The following TMEM30A variants were observed in gnomAD, a reference collection of about 807,000 sequenced individuals.
The protein encoded by TMEM30A is cell cycle control protein 50A.
A neutral mutation model predicts 38.2 loss-of-function variants in TMEM30A; 24 were observed. The ratio of observed to expected loss-of-function variants is 0.63; its 90% confidence interval spans 0.46 to 0.88. The LOEUF (loss-of-function observed/expected upper bound fraction) is 0.88. Ranked by LOEUF, TMEM30A falls within the 40% of genes least tolerant of loss-of-function variation. TMEM30A has a pLI of 0.00. For missense variants in TMEM30A, 370 were observed against 458.6 expected, an observed-to-expected ratio of 0.81 and a Z score of 1.77; for synonymous variants, 145 against 161.6, an observed-to-expected ratio of 0.90 and a Z score of 0.78.
In TMEM30A at chr6:75,277,876, A is replaced by G. The variant is rs549830372; in HGVS notation, c.237+6526T>C. The stretch of plus-strand genomic sequence containing the variant: ...GCGCTACGACTGTACCACTGCAATG[A>G]AGCCCAGGCAACAGAGCAAGACCTT... On this transcript the variant is annotated intron_variant, in intron 1 of 6. Transcript: ENST00000230461. 1.5e-3 allele frequency among the ~76,000 whole-genome samples: 235 copies of G among 152,338 alleles called. 1 individual carries two copies. Among genetic ancestry groups the G allele is most frequent in the Non-Finnish European group, 3.0e-3 (203 of 68,034 alleles).
chr6:75,258,312 T>A (rs900701930), intron 6 of TMEM30A, among the ~76,000 whole-genome samples: 1 of 152,138 alleles, frequency 6.6e-6, no homozygotes, highest in African/African-American at 2.4e-5. Context: ...TATGGAACAA[T>A]ATAGCTAATA....
intron 1 of TMEM30A, 125 bp downstream of exon 1, chr6:75,284,277 G>A (rs575404427): frequency 7.1e-6 from 6 of 849,392 alleles, no homozygotes; most frequent in African/African-American, 3.7e-5. Context: ...CAGAGGGAAG[G>A]GGGTGGTGGA....
chr6:75,273,996 A>C (rs2149523088), intron 1 of TMEM30A, among the ~76,000 whole-genome samples: 2 of 152,378 alleles, frequency 1.3e-5, no homozygotes, highest in East Asian at 3.9e-4. Flanking sequence ...TTCATGCTAC[A>C]AAAGAATTTA....
rs531653507 is a variant in TMEM30A, at chr6:75,265,461, G to T, written c.346-123C>A. On this transcript the variant is annotated intron_variant, in intron 2 of 6. Coordinates refer to ENST00000230461, the MANE Select transcript of TMEM30A (RefSeq NM_018247.4). Reference sequence around the variant, plus strand: ...AGTTTACAATTTGTGATAGGTAGTGGGGTAAATTCCACCAGTACTTAGCAA... The same window carrying T: ...AGTTTACAATTTGTGATAGGTAGTGTGGTAAATTCCACCAGTACTTAGCAA... The T allele has an allele frequency of 8.5e-6, 4 of 472,222 alleles. No homozygotes were observed. In the East Asian group the frequency reaches 1.6e-4, roughly 19 times the overall value. The allele number at this position is 472,222 out of a possible 1,614,324, so 29.3% of individuals were successfully genotyped here.
intron 1 of TMEM30A, among the ~76,000 whole-genome samples, chr6:75,278,335 C>T (rs550982688): frequency 6.6e-6 from 1 of 152,226 alleles, no homozygotes; most frequent in Admixed American, 6.5e-5. Context: ...ATCTTTTTTT[C>T]ACAATACAAA....
chr6:75,280,561 A>C (rs1373569710), intron 1 of TMEM30A, among the ~76,000 whole-genome samples: 1 of 152,198 alleles, frequency 6.6e-6, no homozygotes, highest in Non-Finnish European at 1.5e-5. Flanking sequence ...TGGGATTCAA[A>C]GTTAGTGCTC....
rs1043741550 is a variant in TMEM30A at position 75,253,898 on chromosome 6, T to A, written c.*2204A>T. 2 of 152,166 alleles carry A rather than the reference T, an allele frequency of 1.3e-5. No individual in the cohort carries two copies. The highest frequency in any genetic ancestry group is 1.9e-4 in the East Asian group (1 of 5,200). The allele number at this position is 152,166 out of a possible 1,614,324, so 9.4% of individuals were successfully genotyped here. A position where few individuals can be genotyped will look rare whatever the true frequency, so the allele number is the denominator to read the frequency against. Reference sequence around the variant, plus strand: ...AAAATAGTTCCTGAAAATTAATGCATCCTTCAATGTCTTCTACTTAAGCTG... The same window carrying A: ...AAAATAGTTCCTGAAAATTAATGCAACCTTCAATGTCTTCTACTTAAGCTG... On this transcript the variant is annotated 3_prime_UTR_variant, in exon 7 of 7. Transcript: ENST00000230461.
At position 75,253,857 on chromosome 6, in the gene TMEM30A, A is replaced by G. The variant is rs941123500; in HGVS notation, c.*2245T>C. On this transcript the variant is annotated 3_prime_UTR_variant, in exon 7 of 7. Coordinates refer to ENST00000230461, the MANE Select transcript of TMEM30A (RefSeq NM_018247.4). ...TTGTTGAATAATTTTTTCAATTGGG[A>G]ATCTTTTCATAATTCAAAATAGTTC... The G allele has an allele frequency of 6.6e-6, 1 of 152,326 alleles. No homozygotes were observed. The highest frequency in any genetic ancestry group is 6.6e-5 in the Admixed American group (1 of 15,250). 9.4% of individuals were successfully genotyped at this position (152,326 alleles called of 1,614,324 possible).
chr6:75,256,352 AT>A, intron 6 of TMEM30A, 57 bp from the exon 7 acceptor site: 1 of 1,482,238 alleles, frequency 6.7e-7, no homozygotes, highest in South Asian at 1.3e-5. Flanking sequence ...TTAAAATACA[AT>A]TTTAAAAGTT....
chr6:75,281,904 T>C (rs1373094257), intron 1 of TMEM30A, among the ~76,000 whole-genome samples: 1 of 152,184 alleles, frequency 6.6e-6, no homozygotes, highest in Non-Finnish European at 1.5e-5. Context: ...TTTGGGGAAT[T>C]TCCAGACACA....
chr6:75,283,047 G>T (rs1451501183), intron 1 of TMEM30A, among the ~76,000 whole-genome samples: 2 of 151,828 alleles, frequency 1.3e-5, no homozygotes, highest in Admixed American at 6.6e-5. Flanking sequence ...TAAAATACAT[G>T]CTGAAAAAAA....
rs1297653874 is a variant in TMEM30A at position 75,254,166 on chromosome 6, CT to C, written c.*1935del. ...CTCCAAATGTATTTTAAGATTCCAT[CT>C]TCTCCACAGATGAGAAAGTGCTGAA... On this transcript the variant is annotated 3_prime_UTR_variant, in exon 7 of 7. Coordinates refer to ENST00000230461, the MANE Select transcript of TMEM30A (RefSeq NM_018247.4). 5.3e-5 allele frequency: 8 copies of C among 152,110 alleles called. No individual in the cohort carries two copies. The highest frequency in any genetic ancestry group is 1.2e-4 in the Non-Finnish European group (8 of 68,020). The allele number at this position is 152,110 out of a possible 1,614,324, so 9.4% of individuals were successfully genotyped here. A position where few individuals can be genotyped will look rare whatever the true frequency, so the allele number is the denominator to read the frequency against.
At chr6:75,273,423 A>C (rs1240433787) in intron 1 of TMEM30A, among the ~76,000 whole-genome samples, 1 of 151,624 alleles carries the variant, frequency 6.6e-6, no homozygotes, top group Non-Finnish European at 1.5e-5. Context: ...CTAGCACCTG[A>C]CCTCCTGGAG....
intron 3 of TMEM30A, among the ~76,000 whole-genome samples, chr6:75,264,506 C>T (rs1468412185): frequency 1.3e-5 from 2 of 151,902 alleles, no homozygotes; most frequent in Non-Finnish European, 2.9e-5. Flanking sequence ...CTTGGTGATG[C>T]GCACCTGTAA....
intron 1 of TMEM30A, among the ~76,000 whole-genome samples, chr6:75,273,964 T>C (rs1452315504): frequency 6.6e-6 from 1 of 152,144 alleles, no homozygotes; most frequent in African/African-American, 2.4e-5. Context: ...AGGATGAGAA[T>C]ACAAAATGGA....
At chr6:75,267,888 C>G (rs1341145901) in intron 1 of TMEM30A, 140 bp from the exon 2 acceptor site, 4 of 468,298 alleles carry the variant, frequency 8.5e-6, no homozygotes, top group African/African-American at 2.0e-5. Context: ...TTAAGGTCAT[C>G]TGTTTGACAG....
intron 1 of TMEM30A, among the ~76,000 whole-genome samples, chr6:75,273,800 C>T (rs1772215454): frequency 6.6e-6 from 1 of 152,006 alleles, no homozygotes; most frequent in African/African-American, 2.4e-5. Context: ...TAATATTTTC[C>T]TTGGGTAATT....
At chr6:75,258,731 G>C in intron 6 of TMEM30A, 49 bp downstream of exon 6, 1 of 1,551,310 alleles carries the variant, frequency 6.4e-7, no homozygotes, top group Non-Finnish European at 8.9e-7. Context: ...GGTTGGACTC[G>C]ACTCCTTTCA....
At position 75,256,869 on chromosome 6, in the gene TMEM30A, G is replaced by A. The variant is rs1771876423; in HGVS notation, c.893-574C>T. ...AGCTAACAGTGGCAGTGAAGGGTGGGCTGTTAAGGAGATTTAGGAAACAGG... is the reference window on the plus strand; with the variant it reads ...AGCTAACAGTGGCAGTGAAGGGTGGACTGTTAAGGAGATTTAGGAAACAGG... On this transcript the variant is annotated intron_variant, in intron 6 of 6. Transcript: ENST00000230461. The A allele has an allele frequency of 1.2e-5, 5 of 425,262 alleles. No individual in the cohort carries two copies. In the Admixed American group the frequency reaches 1.3e-4, roughly 11 times the overall value. The allele number at this position is 425,262 out of a possible 1,614,324, so 26.3% of individuals were successfully genotyped here. A position where few individuals can be genotyped will look rare whatever the true frequency, so the allele number is the denominator to read the frequency against.
Sources: allele counts gnomAD v4.1 joint callset (sites outside exome capture counted in the v4.1 genomes callset), GRCh38; gene constraint gnomAD v4.1.1; transcripts MANE v1.5; gene names NCBI Gene and HGNC (gene_info 2026-07-23, HGNC 2026-07-21).